The following ROBO2 variants were observed in gnomAD, a reference collection of about 807,000 sequenced individuals.
The protein encoded by ROBO2 is roundabout guidance receptor 2.
ROBO2 carries 53 observed loss-of-function variants against 160.8 expected under a neutral mutation model. The ratio of observed to expected loss-of-function variants is 0.33; its 90% CI spans 0.26 to 0.41. The LOEUF (loss-of-function observed/expected upper bound fraction) is 0.41. ROBO2 is among the 10% of genes least tolerant of loss of function. ROBO2 has a pLI of 1.00. For missense variants in ROBO2, 1,577 were observed against 1,722.4 expected (o/e 0.92, Z 1.49); for synonymous variants, 664 against 611.7 (o/e 1.09, Z -1.26).
intron 2 of ROBO2, among the ~76,000 whole-genome samples, chr3:76,308,391 A>AG (rs1553700862): frequency 1.7e-3 from 262 of 151,532 alleles, no homozygotes; most frequent in Admixed American, 3.5e-3. Flanking sequence ...AAAAAAAAAA[A>AG]AAAAAAGAAA....
At chr3:76,540,090 A>G (rs1447456224) in intron 2 of ROBO2, among the ~76,000 whole-genome samples, 1 of 152,110 alleles carries the variant, frequency 6.6e-6, no homozygotes, top group East Asian at 1.9e-4. Flanking sequence ...CATTCCTGTA[A>G]CAGAGTTGAG....
intron 2 of ROBO2, among the ~76,000 whole-genome samples, chr3:77,249,487 C>T (rs1381368473): frequency 6.6e-6 from 1 of 152,172 alleles, no homozygotes; most frequent in East Asian, 1.9e-4. Context: ...AACATAGCAT[C>T]TCACGGCACC....
At chr3:76,603,529 C>CT (rs1282909142) in intron 2 of ROBO2, among the ~76,000 whole-genome samples, 3 of 151,310 alleles carry the variant, frequency 2.0e-5, no homozygotes, top group Non-Finnish European at 2.9e-5. Flanking sequence ...TGAACTCAAT[C>CT]TTTTTACTCT....
chr3:77,228,275 TC>T (rs2086732334), intron 2 of ROBO2, among the ~76,000 whole-genome samples: 1 of 152,078 alleles, frequency 6.6e-6, no homozygotes, highest in Admixed American at 6.6e-5. Context: ...CAAGGGATCC[TC>T]CCACCTCAGC....
intron 2 of ROBO2, among the ~76,000 whole-genome samples, chr3:76,880,972 A>G (rs2073281274): frequency 6.6e-6 from 1 of 152,150 alleles, no homozygotes; most frequent in Non-Finnish European, 1.5e-5. Context: ...TTCTGTGCTC[A>G]GATGCCTCTA....
intron 4 of ROBO2, 48 bp from the exon 5 acceptor site, chr3:77,493,196 G>A (rs746963143): frequency 6.3e-7 from 1 of 1,592,954 alleles, no homozygotes; most frequent in Admixed American, 1.7e-5. Flanking sequence ...CTTAAAGCAT[G>A]CATAATAGTT....
intron 2 of ROBO2, among the ~76,000 whole-genome samples, chr3:76,066,298 A>G (rs2068251750): frequency 6.6e-6 from 1 of 152,146 alleles, no homozygotes; most frequent in South Asian, 2.1e-4. Context: ...GTCAGCATCC[A>G]GTCTCTTCAT....
chr3:75,993,695 T>C (rs2065637698), intron 2 of ROBO2, among the ~76,000 whole-genome samples: 1 of 152,126 alleles, frequency 6.6e-6, no homozygotes, highest in Non-Finnish European at 1.5e-5. Flanking sequence ...TAAGCAGTGA[T>C]GGTAGGCAGA....
intron 2 of ROBO2, among the ~76,000 whole-genome samples, chr3:77,325,837 C>G (rs1453707816): frequency 6.6e-6 from 1 of 152,060 alleles, no homozygotes; most frequent in East Asian, 1.9e-4. Flanking sequence ...TATTTTGATC[C>G]TCATTTGACA....
intron 2 of ROBO2, among the ~76,000 whole-genome samples, chr3:76,806,148 T>C (rs2064686201): frequency 6.6e-6 from 1 of 151,858 alleles, no homozygotes; most frequent in African/African-American, 2.4e-5. Context: ...CAAATTCTTT[T>C]CTACGTTATT....
rs551000823 is a variant in ROBO2, at chr3:76,403,040, T to C, written c.109+465438T>C. Among the ~76,000 whole-genome samples the C allele has an allele frequency of 3.3e-5, 5 of 151,754 alleles. No homozygotes were observed. In the South Asian group the frequency reaches 1.0e-3, roughly 31 times the overall value. On this transcript the variant is annotated intron_variant, in intron 2 of 26. Coordinates refer to the ROBO2 transcript ENST00000487694. ...AAGACTGGGGCCAATAAATGTCTAC[T>C]TGATGCTTTGGTGCGTGATTCATTC...
rs1228150293 is a variant in ROBO2, at chr3:77,432,525, G to T, written c.389-44889G>T. ...TAGACCAGGGTGTGGGGAAGCTATT[G>T]TCCCTGGGCCAACTCTGGTTCACCC... On this transcript the variant is annotated intron_variant, in intron 2 of 25. Transcript: ENST00000461745. Among the ~76,000 whole-genome samples the T allele has an allele frequency of 7.2e-5, 11 of 152,268 alleles. No homozygotes were observed. The South Asian group carries it at 2.3e-3, about 32-fold the overall frequency.
At chr3:76,874,245 C>G (rs530272514) in intron 2 of ROBO2, among the ~76,000 whole-genome samples, 1 of 151,942 alleles carries the variant, frequency 6.6e-6, no homozygotes, top group Non-Finnish European at 1.5e-5. Flanking sequence ...TTCCAACAAC[C>G]ATTAACTTTG....
At chr3:76,704,597 T>G (rs1430373372) in intron 2 of ROBO2, among the ~76,000 whole-genome samples, 1 of 152,174 alleles carries the variant, frequency 6.6e-6, no homozygotes, top group Non-Finnish European at 1.5e-5. Flanking sequence ...TATATCATTA[T>G]GCCTTCCTTT....
intron 2 of ROBO2, among the ~76,000 whole-genome samples, chr3:76,605,978 A>G (rs2087621822): frequency 6.6e-6 from 1 of 152,130 alleles, no homozygotes; most frequent in African/African-American, 2.4e-5. Flanking sequence ...TATTTGGAGG[A>G]AAGCCAAGCT....
intron 2 of ROBO2, among the ~76,000 whole-genome samples, chr3:76,027,992 A>G (rs679219): frequency 0.92 from 139,190 of 151,916 alleles, 64,638 homozygotes; most frequent in East Asian, 1. Context: ...GGATAGATTA[A>G]TATGGCTAAA....
At chr3:77,087,719 T>G (rs1455561622) in intron 1 of ROBO2, among the ~76,000 whole-genome samples, 1 of 150,856 alleles carries the variant, frequency 6.6e-6, no homozygotes, top group African/African-American at 2.5e-5. Flanking sequence ...CATATATACA[T>G]GTACACATAT....
intron 6 of ROBO2, chr3:77,538,854 ACT>A (rs770547337): frequency 2.4e-5 from 12 of 495,210 alleles, no homozygotes; most frequent in African/African-American, 1.7e-4. Flanking sequence ...ACGATTTCTC[ACT>A]CTCTGTTTCT....
intron 2 of ROBO2, among the ~76,000 whole-genome samples, chr3:76,512,852 C>T (rs1052353860): frequency 1.3e-5 from 2 of 152,062 alleles, no homozygotes; most frequent in African/African-American, 2.4e-5. Context: ...ATCCCAAACC[C>T]GTTTGGTCCC....
Sources: allele counts gnomAD v4.1 joint callset (sites outside exome capture counted in the v4.1 genomes callset), GRCh38; gene constraint gnomAD v4.1.1; transcripts MANE v1.5; gene names NCBI Gene and HGNC (gene_info 2026-07-23, HGNC 2026-07-21).